The following KCTD16 variants were observed in gnomAD, a reference collection of about 807,000 sequenced individuals.
KCTD16 encodes the protein BTB/POZ domain-containing protein KCTD16.
KCTD16 carries 13 observed loss-of-function variants against 33.2 expected under a neutral mutation model. That is an observed-to-expected ratio of 0.39 (90% confidence interval 0.25 to 0.62). The LOEUF (loss-of-function observed/expected upper bound fraction) is 0.62, where lower values mean the gene tolerates loss of function less well. Among genes scored for constraint, KCTD16 ranks in the 20% least tolerant of loss-of-function variants. The pLI is 0.50. For synonymous variants in KCTD16, 197 were observed against 195.3 expected, an observed-to-expected ratio of 1.01 and a Z score of -0.07; for missense variants, 441 against 525.1, an observed-to-expected ratio of 0.84 and a Z score of 1.57.
chr5:144,207,547 G>A lies in KCTD16; in HGVS notation c.832+1G>A, dbSNP rs1753225591. ...AGCTACACTGAATATGTCTTCTACC[G>A]TAAGTACAAAGGGTTGTTTTAATTT... On this transcript the variant is annotated splice_donor_variant, in intron 3 of 3. Coordinates refer to ENST00000512467, the MANE Select transcript of KCTD16 (RefSeq NM_020768.4). LOFTEE classifies it high-confidence loss of function. 1.2e-6 allele frequency: 2 copies of A among 1,604,088 alleles called. No homozygotes were observed. The highest frequency in any genetic ancestry group is 1.7e-6 in the Non-Finnish European group (2 of 1,172,998).
intron 3 of KCTD16, among the ~76,000 whole-genome samples, chr5:144,286,117 T>C (rs545409059): frequency 3.3e-5 from 5 of 152,312 alleles, no homozygotes; most frequent in African/African-American, 9.6e-5. Flanking sequence ...TTTATTTGTT[T>C]TTTTCGCTTT....
At chr5:144,255,608 C>A (rs1302617625) in intron 3 of KCTD16, among the ~76,000 whole-genome samples, 1 of 152,138 alleles carries the variant, frequency 6.6e-6, no homozygotes, top group Non-Finnish European at 1.5e-5. Context: ...TGGCCATTTG[C>A]ATATCTTCTT....
At position 144,171,020 on chromosome 5, in the gene KCTD16, T is replaced by C. The variant is rs1752369601; in HGVS notation, c.-493+11T>C. 6.6e-6 allele frequency: 1 copy of C among 152,246 alleles called. No individual in the cohort carries two copies. Among genetic ancestry groups the C allele is most frequent in the African/African-American group, 2.4e-5 (1 of 41,472 alleles). 9.4% of individuals were successfully genotyped at this position (152,246 alleles called of 1,614,324 possible). A position where few individuals can be genotyped will look rare whatever the true frequency, so the allele number is the denominator to read the frequency against. ...TGTGCTAAAGTGTTTGTATGTATTA[T>C]TTAATCTTTACAACCTAATGAGATG... On this transcript the variant is annotated intron_variant, in intron 1 of 3. Coordinates refer to ENST00000512467, the MANE Select transcript of KCTD16 (RefSeq NM_020768.4).
chr5:144,222,111 G>C (rs1359080733), intron 3 of KCTD16, among the ~76,000 whole-genome samples: 1 of 151,992 alleles, frequency 6.6e-6, no homozygotes, highest in Non-Finnish European at 1.5e-5. Flanking sequence ...TGATGGGGTT[G>C]TTTGTTTTTT....
At chr5:144,364,799 C>A (rs1751795415) in intron 3 of KCTD16, among the ~76,000 whole-genome samples, 1 of 152,108 alleles carries the variant, frequency 6.6e-6, no homozygotes, top group Non-Finnish European at 1.5e-5. Flanking sequence ...ACAGATGAAT[C>A]TTTCATTTGA....
chr5:144,201,824 C>T (rs1433669818), intron 2 of KCTD16, among the ~76,000 whole-genome samples: 1 of 152,194 alleles, frequency 6.6e-6, no homozygotes, highest in Non-Finnish European at 1.5e-5. Flanking sequence ...GATGAGTGTG[C>T]AGCATCTTAG....
intron 3 of KCTD16, among the ~76,000 whole-genome samples, chr5:144,390,815 T>C (rs1051092936): frequency 6.6e-6 from 1 of 152,182 alleles, no homozygotes; most frequent in Admixed American, 6.5e-5. Context: ...CTGAGAATGA[T>C]GGTTTGCAGC....
At chr5:144,322,413 T>C (rs1752095334) in intron 3 of KCTD16, among the ~76,000 whole-genome samples, 1 of 151,962 alleles carries the variant, frequency 6.6e-6, no homozygotes, top group African/African-American at 2.4e-5. Context: ...TCTAGAGCAG[T>C]TGGGAAATAT....
At chr5:144,383,858 C>A (rs1297061222) in intron 3 of KCTD16, among the ~76,000 whole-genome samples, 1 of 152,118 alleles carries the variant, frequency 6.6e-6, no homozygotes, top group Admixed American at 6.5e-5. Flanking sequence ...GCTTAGCAGG[C>A]ATTTCTGATG....
chr5:144,194,817 G>GCT (rs1370027508), intron 2 of KCTD16, among the ~76,000 whole-genome samples: 1 of 152,096 alleles, frequency 6.6e-6, no homozygotes, highest in Non-Finnish European at 1.5e-5. Flanking sequence ...TAACCATGAT[G>GCT]CTCTATTGCT....
intron 3 of KCTD16, among the ~76,000 whole-genome samples, chr5:144,350,620 T>G (rs1180730885): frequency 6.6e-6 from 1 of 152,164 alleles, no homozygotes; most frequent in African/African-American, 2.4e-5. Flanking sequence ...ATGATAGACA[T>G]TTTAGTTTGG....
intron 3 of KCTD16, among the ~76,000 whole-genome samples, chr5:144,416,875 G>A (rs1580946119): frequency 6.6e-6 from 1 of 152,102 alleles, no homozygotes; most frequent in East Asian, 1.9e-4. Context: ...AAAACTATAT[G>A]TGATATTGTG....
intron 3 of KCTD16, among the ~76,000 whole-genome samples, chr5:144,468,801 A>T (rs1313833071): frequency 6.6e-6 from 1 of 152,180 alleles, no homozygotes; most frequent in Non-Finnish European, 1.5e-5. Flanking sequence ...TGTGCTCACA[A>T]CCATTAGCAG....
intron 3 of KCTD16, among the ~76,000 whole-genome samples, chr5:144,302,012 TTAAG>T (rs1751456450): frequency 6.6e-6 from 1 of 152,164 alleles, no homozygotes; most frequent in South Asian, 2.1e-4. Flanking sequence ...TTACGCAAAA[TTAAG>T]TAAGTTTTAT....
chr5:144,473,114 A>T (rs1378141494), intron 3 of KCTD16, among the ~76,000 whole-genome samples: 1 of 152,202 alleles, frequency 6.6e-6, no homozygotes, highest in East Asian at 1.9e-4. Context: ...GCACAGAGTC[A>T]GTCCCCTTTC....
intron 3 of KCTD16, among the ~76,000 whole-genome samples, chr5:144,458,287 G>T (rs1298135625): frequency 2.0e-5 from 3 of 152,144 alleles, no homozygotes; most frequent in African/African-American, 7.2e-5. Flanking sequence ...AGAAGAAGCA[G>T]AGTGTAGTGC....
intron 3 of KCTD16, among the ~76,000 whole-genome samples, chr5:144,398,706 A>ACTCTCTCTCTCTCTCT (rs202105888): frequency 2.0e-5 from 3 of 146,580 alleles, no homozygotes; most frequent in African/African-American, 8.2e-5. Flanking sequence ...ACACACACAC[A>ACTCTCTCTCTCTCTCT]CACTCTCTCT....
At chr5:144,311,452 A>G (rs1379975842) in intron 3 of KCTD16, among the ~76,000 whole-genome samples, 1 of 152,288 alleles carries the variant, frequency 6.6e-6, no homozygotes, top group East Asian at 1.9e-4. Context: ...ACTTCTAGGA[A>G]GTATGCTGAA....
At chr5:144,225,485 C>T (rs960877671) in intron 3 of KCTD16, among the ~76,000 whole-genome samples, 10 of 151,028 alleles carry the variant, frequency 6.6e-5, no homozygotes, top group Admixed American at 2.0e-4. Context: ...CAAAAGAATT[C>T]GAAACAGAAT....
Sources: gnomAD v4.1 joint callset for allele counts (sites outside exome capture counted in the v4.1 genomes callset) on GRCh38, gnomAD v4.1.1 for gene constraint, MANE v1.5 for transcripts, NCBI Gene and HGNC (gene_info 2026-07-23, HGNC 2026-07-21) for gene names.